Variants in GUCY2D observed in about 807,000 individuals in gnomAD.
GUCY2D encodes the protein retinal guanylyl cyclase 1.
Under a neutral mutation model 101.3 loss-of-function variants are expected in GUCY2D, and 70 were observed. The ratio of observed to expected loss-of-function variants is 0.69; its 90% CI spans 0.57 to 0.84. The LOEUF is 0.84. GUCY2D is among the 40% of genes least tolerant of loss of function. GUCY2D has a pLI of 0.00. For synonymous variants in GUCY2D, 688 were observed against 670.7 expected, an observed-to-expected ratio of 1.03 and a Z score of -0.40; for missense variants, 1,460 against 1,542.5, an observed-to-expected ratio of 0.95 and a Z score of 0.90.
Position 8,004,325 on chromosome 17 carries a change from G to A in GUCY2D, c.1026+169G>A, listed in dbSNP as rs1381376954. On this transcript the variant is annotated intron_variant, in intron 3 of 19. Coordinates refer to ENST00000254854, the MANE Select transcript of GUCY2D (RefSeq NM_000180.4). ...CCCCACTTGGGGTCTCTTAGTGTAC[G>A]AGGATTGCCTCTAGAGAGTAGGCAA... Among the ~76,000 whole-genome samples, 35 of 152,174 alleles carry A rather than the reference G, an allele frequency of 2.3e-4. 1 individual carries two copies. The highest frequency in any genetic ancestry group is 5.9e-5 in the Non-Finnish European group (4 of 68,028).
intron 19 of GUCY2D, among the ~76,000 whole-genome samples, chr17:8,017,431 G>A (rs1206073477): frequency 6.6e-6 from 1 of 152,166 alleles, no homozygotes; most frequent in Non-Finnish European, 1.5e-5. Context: ...AGCAGGGTTT[G>A]TCACATGGCC....
chr17:8,014,489 C>G lies in GUCY2D; in HGVS notation c.2413-112C>G, dbSNP rs777662187. ...ATGAATAGTAGATGAATGGTGGCAG[C>G]GGGGTTGGGGTTCAGAGTGAACAGC... On this transcript the variant is annotated intron_variant, in intron 12 of 19. Transcript: ENST00000254854. The surrounding 1 kb of genome is among the most constrained non-coding windows in gnomAD (Gnocchi z 4.0). The G allele has an allele frequency of 9.3e-6, 9 of 969,544 alleles. No individual in the cohort carries two copies. Among genetic ancestry groups the G allele is most frequent in the East Asian group, 2.4e-5 (1 of 41,804 alleles). 60.1% of individuals were successfully genotyped at this position (969,544 alleles called of 1,614,324 possible).
At chr17:8,006,144 AAG>A (rs1218343699) in intron 3 of GUCY2D, among the ~76,000 whole-genome samples, 1 of 151,334 alleles carries the variant, frequency 6.6e-6, no homozygotes, top group Non-Finnish European at 1.5e-5. Flanking sequence ...GAGAGGGAGG[AAG>A]AGAGAGCCAG....
Position 8,011,519 on chromosome 17 carries a change from C to A in GUCY2D, c.1750-625C>A, listed in dbSNP as rs907262406. 6.6e-5 allele frequency among the ~76,000 whole-genome samples: 10 copies of A among 152,142 alleles called. No homozygotes were observed. Among genetic ancestry groups the A allele is most frequent in the African/African-American group, 2.4e-4 (10 of 41,434 alleles). On this transcript the variant is annotated intron_variant, in intron 8 of 19. Coordinates refer to ENST00000254854, the MANE Select transcript of GUCY2D (RefSeq NM_000180.4). The surrounding 1 kb of genome is among the most constrained non-coding windows in gnomAD (Gnocchi z 4.3). ...TGAGCTGCTTCCCTTAAGACCCAGGCAGTTCAGAGTTTTATGGCTGGGGCC... is the reference window on the plus strand; with the variant it reads ...TGAGCTGCTTCCCTTAAGACCCAGGAAGTTCAGAGTTTTATGGCTGGGGCC...
intron 14 of GUCY2D, 61 bp downstream of exon 14, chr17:8,015,112 C>T: frequency 6.9e-7 from 1 of 1,443,290 alleles, no homozygotes; most frequent in Non-Finnish European, 9.7e-7. Context: ...GCCTCCAGCC[C>T]AGCCCTTCCT....
Position 8,002,709 on chromosome 17 carries a change from G to A in GUCY2D, c.-35G>A, listed in dbSNP as rs1428672459. 6 of 140,924 alleles carry A rather than the reference G, an allele frequency of 4.3e-5. No homozygotes were observed. In the African/African-American group the frequency reaches 5.5e-4, roughly 13 times the overall value. 8.7% of individuals were successfully genotyped at this position (140,924 alleles called of 1,614,324 possible). ...GCCCTGTGACCCCTCACCGGGGGCC[G>A]TGGGCCCGAGCCCCCGGACTTCCCT... is the stretch of plus-strand genomic sequence containing the variant. On this transcript the variant is annotated 5_prime_UTR_variant, in exon 1 of 20. In the 5' UTR this introduces an upstream ATG that the reference lacks. Coordinates refer to ENST00000254854, the MANE Select transcript of GUCY2D (RefSeq NM_000180.4). The surrounding 1 kb of genome is among the most constrained non-coding windows in gnomAD (Gnocchi z 4.9).
intron 8 of GUCY2D, 128 bp downstream of exon 8, chr17:8,009,714 C>CGTGT: frequency 1.4e-6 from 1 of 726,202 alleles, no homozygotes; most frequent in African/African-American, 1.7e-5. Flanking sequence ...GTGGCTCATA[C>CGTGT]GTGTAATCCT....
chr17:8,014,762 T>G lies in GUCY2D; in HGVS notation c.2574T>G (p.Pro858=). 9.5e-7 allele frequency: 1 copy of G among 1,053,548 alleles called. No homozygotes were observed. The allele number at this position is 1,053,548 out of a possible 1,614,324, so 65.3% of individuals were successfully genotyped here. The change falls in exon 13 of 20, where the codon CCT becomes CCG. Residue 858 remains proline, a splice_region_variant and synonymous_variant. Coordinates refer to ENST00000254854, the MANE Select transcript of GUCY2D (RefSeq NM_000180.4). This position sits in a 1 kb window ranked among gnomAD's most constrained non-coding sequence, Gnocchi z 4.0. ...KTDRLLTQML[P]PSVAEALKTG... ...ACCGGCTGCTTACACAGATGCTGCC[T>G]CCGTGGGTGCCAGTGGGAAGGGGTG...
chr17:8,014,128 T>A lies in GUCY2D; in HGVS notation c.2412+100T>A. On this transcript the variant is annotated intron_variant, in intron 12 of 19. Coordinates refer to ENST00000254854, the MANE Select transcript of GUCY2D (RefSeq NM_000180.4). The surrounding 1 kb of genome is among the most constrained non-coding windows in gnomAD (Gnocchi z 4.0). ...TGCAGACAGGCAGGCTGGCAGGACC[T>A]CTGGCCTTCCAGGCTACCTCCTAAG... 1 of 1,129,092 alleles carries A rather than the reference T, an allele frequency of 8.9e-7. No individual in the cohort carries two copies. Among genetic ancestry groups the A allele is most frequent in the Non-Finnish European group, 1.3e-6 (1 of 751,766 alleles). The allele number at this position is 1,129,092 out of a possible 1,614,324, so 69.9% of individuals were successfully genotyped here. A position where few individuals can be genotyped will look rare whatever the true frequency, so the allele number is the denominator to read the frequency against.
rs1374281089 is a variant in GUCY2D, at chr17:8,013,760, G to GTAA, written c.2264-119_2264-117dup. 2 of 790,360 alleles carry GTAA rather than the reference G, an allele frequency of 2.5e-6. No individual in the cohort carries two copies. The highest frequency in any genetic ancestry group is 3.4e-5 in the African/African-American group (2 of 59,600). 49.0% of individuals were successfully genotyped at this position (790,360 alleles called of 1,614,324 possible). On this transcript the variant is annotated intron_variant, in intron 11 of 19. Coordinates refer to ENST00000254854, the MANE Select transcript of GUCY2D (RefSeq NM_000180.4). This position sits in a 1 kb window ranked among gnomAD's most constrained non-coding sequence, Gnocchi z 5.0. ...CACACACACACACTGAACCTCTGAT[G>GTAA]TAAAGAAACCCCTGCCAGGCACCCC... is the stretch of plus-strand genomic sequence containing the variant.
At position 8,007,786 on chromosome 17, in the gene GUCY2D, C is replaced by CT. The variant is rs1975774928; in HGVS notation, c.1567-143dup. The CT allele has an allele frequency of 1.1e-5, 8 of 709,614 alleles. No homozygotes were observed. The South Asian group carries it at 1.2e-4, about 11-fold the overall frequency. The allele number at this position is 709,614 out of a possible 1,614,324, so 44.0% of individuals were successfully genotyped here. On this transcript the variant is annotated intron_variant, in intron 6 of 19. Coordinates refer to ENST00000254854, the MANE Select transcript of GUCY2D (RefSeq NM_000180.4). ...TGCTTTGTAAACTGTAAAGCGTGCACTTGGGGAGTAATGTCATTATCACCT... is the reference window on the plus strand; with the variant it reads ...TGCTTTGTAAACTGTAAAGCGTGCACTTTGGGGAGTAATGTCATTATCACCT...
chr17:8,015,259 G>T, intron 14 of GUCY2D, 69 bp from the exon 15 acceptor site: 1 of 1,459,138 alleles, frequency 6.9e-7, no homozygotes, highest in Non-Finnish European at 9.5e-7. Context: ...CCGGTGACAA[G>T]AGGCAATCGC....
chr17:8,008,725 ACTC>A (rs1006257056), intron 7 of GUCY2D, among the ~76,000 whole-genome samples: 6 of 151,954 alleles, frequency 3.9e-5, no homozygotes, highest in Non-Finnish European at 7.4e-5. Flanking sequence ...GTATGGGACT[ACTC>A]TGTGCCTTGA....
In GUCY2D at chr17:8,016,730, A is replaced by C. The variant is rs1325544329; in HGVS notation, c.*24+176A>C. Reference sequence around the variant, plus strand: ...CATTGCAGGAATTTTGGTTCAGTAGATCTGGAGTGGTTTGGAAATCCAGGC... The same window carrying C: ...CATTGCAGGAATTTTGGTTCAGTAGCTCTGGAGTGGTTTGGAAATCCAGGC... On this transcript the variant is annotated intron_variant, in intron 19 of 19. Coordinates refer to ENST00000254854, the MANE Select transcript of GUCY2D (RefSeq NM_000180.4). 5 of 586,396 alleles carry C rather than the reference A, an allele frequency of 8.5e-6. No individual in the cohort carries two copies. In the African/African-American group the frequency reaches 9.3e-5, roughly 11 times the overall value. 36.3% of individuals were successfully genotyped at this position (586,396 alleles called of 1,614,324 possible).
intron 19 of GUCY2D, among the ~76,000 whole-genome samples, chr17:8,017,414 C>T (rs970319500): frequency 2.6e-5 from 4 of 152,192 alleles, no homozygotes; most frequent in Non-Finnish European, 5.9e-5. Flanking sequence ...GAGTTCTGTT[C>T]CACCAGAGCA....
At position 8,006,462 on chromosome 17, in the gene GUCY2D, G is replaced by A. The variant is rs745551727; in HGVS notation, c.1126G>A (p.Ala376Thr). The A allele has an allele frequency of 1.2e-6, 2 of 1,605,894 alleles. No individual in the cohort carries two copies. The highest frequency in any genetic ancestry group is 1.1e-5 in the South Asian group (1 of 91,084). ...AAAGGRWVSGAAVARHIRDAQ... is the reference protein window; with the variant it reads ...AAAGGRWVSGTAVARHIRDAQ... The stretch of plus-strand genomic sequence containing the variant: ...CGCAGGTGGCAGATGGGTGTCCGGA[G>A]CAGCTGTGGCCCGCCACATCCGGGA... The change falls in exon 4 of 20, where the codon GCA (alanine) becomes ACA (threonine). Residue 376 changes from alanine to threonine, a missense_variant. By Grantham distance (58) the Ala-to-Thr change is moderately conservative. Coordinates refer to ENST00000254854, the MANE Select transcript of GUCY2D (RefSeq NM_000180.4).
rs1975921910 is a variant in GUCY2D, at chr17:8,014,533, AG to A, written c.2413-62del. The A allele has an allele frequency of 7.0e-7, 1 of 1,422,288 alleles. No individual in the cohort carries two copies. Among genetic ancestry groups the A allele is most frequent in the Non-Finnish European group, 9.9e-7 (1 of 1,007,388 alleles). 88.1% of individuals were successfully genotyped at this position (1,422,288 alleles called of 1,614,324 possible). On this transcript the variant is annotated intron_variant, in intron 12 of 19. Coordinates refer to ENST00000254854, the MANE Select transcript of GUCY2D (RefSeq NM_000180.4). The surrounding 1 kb of genome is among the most constrained non-coding windows in gnomAD (Gnocchi z 4.0). ...GAACAGCCCCATGAGAGGGCCCATG[AG>A]GGGGGCATAAAGAGGGCATGGCAAC... is the stretch of plus-strand genomic sequence containing the variant.
At chr17:8,006,077 G>A (rs1003303832) in intron 3 of GUCY2D, among the ~76,000 whole-genome samples, 1 of 152,114 alleles carries the variant, frequency 6.6e-6, no homozygotes, top group Non-Finnish European at 1.5e-5. Flanking sequence ...CAGAGAGGAG[G>A]CTGAGTCCTG....
In GUCY2D at chr17:8,012,463, T is replaced by C; in HGVS notation, c.1970T>C (p.Leu657Pro). The C allele has an allele frequency of 6.2e-7, 1 of 1,614,150 alleles. No homozygotes were observed. Among genetic ancestry groups the C allele is most frequent in the Non-Finnish European group, 8.5e-7 (1 of 1,180,018 alleles). ...LLDLIKGIRY[L>P]HHRGVAHGRL... is the part of the protein sequence containing the mutation. ...ACCCATTCCAAGGGAATAAGGTATC[T>C]GCACCATCGAGGCGTGGCTCATGGG... Residue 657 changes from leucine (L) to proline (P), a missense_variant, in exon 10 of 20, where the codon CTG (leucine) becomes CCG (proline). Leu to Pro is a moderately conservative substitution (Grantham distance 98). Around this residue, in one of 3 missense-constraint regions of GUCY2D, gnomAD observed 1,196 missense variants for 1,229.6 expected, o/e 0.97. Transcript: ENST00000254854.
Sources: allele counts gnomAD v4.1 joint callset (sites outside exome capture counted in the v4.1 genomes callset), GRCh38; gene constraint gnomAD v4.1.1; regional missense constraint gnomAD v4.1.1; non-coding constraint Gnocchi (gnomAD v3.1); transcripts MANE v1.5; gene names NCBI Gene and HGNC (gene_info 2026-07-23, HGNC 2026-07-21).